The following PDE7A variants were observed in gnomAD, a reference collection of about 807,000 sequenced individuals.
PDE7A encodes phosphodiesterase 7A.
A neutral mutation model predicts 64.3 loss-of-function variants in PDE7A; 39 were observed. That is an observed-to-expected ratio of 0.61 (90% CI 0.47 to 0.79). The LOEUF (loss-of-function observed/expected upper bound fraction) is 0.79, where lower values mean the gene tolerates loss of function less well. Ranked by LOEUF, PDE7A falls within the 30% of genes least tolerant of loss-of-function variation. The pLI, the probability that PDE7A is intolerant of heterozygous loss-of-function variation, is 0.00. For synonymous variants in PDE7A, 203 were observed against 206.8 expected, an observed-to-expected ratio of 0.98 and a Z score of 0.16; for missense variants, 470 against 582.8, an observed-to-expected ratio of 0.81 and a Z score of 1.99.
chr8:65,728,252 T>C (rs142588457), intron 7 of PDE7A: 6 of 152,358 alleles, frequency 3.9e-5, no homozygotes, highest in Non-Finnish European at 5.9e-5. Context: ...TGGATTATTA[T>C]ACTGAACTAA....
chr8:65,743,843 T>C (rs905765485), intron 5 of PDE7A, among the ~76,000 whole-genome samples: 1 of 152,028 alleles, frequency 6.6e-6, no homozygotes, highest in Non-Finnish European at 1.5e-5. Flanking sequence ...GAATTGCTTT[T>C]TTTTTTTTTG....
chr8:65,795,757 T>C (rs1360004691), intron 1 of PDE7A, among the ~76,000 whole-genome samples: 1 of 152,134 alleles, frequency 6.6e-6, no homozygotes, highest in East Asian at 1.9e-4. Context: ...TTTAACATTC[T>C]TTAAAAGATG....
chr8:65,750,152 C>A (rs1049650834), intron 3 of PDE7A, among the ~76,000 whole-genome samples: 4 of 152,150 alleles, frequency 2.6e-5, no homozygotes, highest in African/African-American at 9.7e-5. Context: ...GTAATCATTA[C>A]CATCCTGTGA....
In PDE7A at chr8:65,745,274, G is replaced by A. The variant is rs1370315537; in HGVS notation, c.499+133C>T. 7.5e-6 allele frequency: 5 copies of A among 662,270 alleles called. 1 individual carries two copies. In the East Asian group the frequency reaches 1.4e-4, roughly 19 times the overall value. 41.0% of individuals were successfully genotyped at this position (662,270 alleles called of 1,614,324 possible). A position where few individuals can be genotyped will look rare whatever the true frequency, so the allele number is the denominator to read the frequency against. ...ATGTCTTTATCAGCAGTGTGAAAAT[G>A]GACTAATACACTCTCTTCCAGCAGA... On this transcript the variant is annotated intron_variant, in intron 5 of 12. Transcript: ENST00000401827.
At chr8:65,729,233 T>C (rs1366039396) in intron 7 of PDE7A, among the ~76,000 whole-genome samples, 2 of 152,160 alleles carry the variant, frequency 1.3e-5, no homozygotes, top group South Asian at 4.1e-4. Flanking sequence ...AGGGTTCTTT[T>C]TCAATAAAAT....
At chr8:65,783,684 T>C (rs1809476815) in intron 1 of PDE7A, among the ~76,000 whole-genome samples, 3 of 152,350 alleles carry the variant, frequency 2.0e-5, no homozygotes, top group African/African-American at 7.2e-5. Context: ...AGAAACTTTG[T>C]CTATCTTAGT....
At chr8:65,817,280 CTG>C (rs1165974456) in intron 1 of PDE7A, among the ~76,000 whole-genome samples, 61 of 152,182 alleles carry the variant, frequency 4.0e-4, no homozygotes, top group Non-Finnish European at 5.7e-4. Context: ...TCTTACATAA[CTG>C]TGTTATACTT....
At chr8:65,764,297 A>G (rs1232151049) in intron 3 of PDE7A, among the ~76,000 whole-genome samples, 1 of 152,252 alleles carries the variant, frequency 6.6e-6, no homozygotes, top group African/African-American at 2.4e-5. Flanking sequence ...ACTGGGAAGA[A>G]ATTAAAATTT....
At position 65,718,074 on chromosome 8, in the gene PDE7A, T is replaced by C. The variant is rs541592957; in HGVS notation, c.*1216A>G. 6.6e-6 allele frequency: 1 copy of C among 152,202 alleles called. No individual in the cohort carries two copies. Among genetic ancestry groups the C allele is most frequent in the East Asian group, 1.9e-4 (1 of 5,198 alleles). 9.4% of individuals were successfully genotyped at this position (152,202 alleles called of 1,614,324 possible). A position where few individuals can be genotyped will look rare whatever the true frequency, so the allele number is the denominator to read the frequency against. ...GGGACAAGAAAACAATGCACTTTTT[T>C]CAAATCAAAACAAGAAGTTTGGTCA... On this transcript the variant is annotated 3_prime_UTR_variant, in exon 13 of 13. Transcript: ENST00000401827.
intron 3 of PDE7A, among the ~76,000 whole-genome samples, chr8:65,761,090 C>T (rs191545654): frequency 6.6e-6 from 1 of 151,268 alleles, no homozygotes; most frequent in Admixed American, 6.6e-5. Flanking sequence ...GACGGAGTCT[C>T]GCCCTGTGGC....
chr8:65,735,737 C>T (rs1269075399), intron 6 of PDE7A, among the ~76,000 whole-genome samples: 17 of 152,212 alleles, frequency 1.1e-4, no homozygotes, highest in Admixed American at 9.8e-4. Context: ...GTGATCCTCC[C>T]GCCTCAGCCA....
chr8:65,799,915 G>GT (rs1193501944), intron 1 of PDE7A, among the ~76,000 whole-genome samples: 1 of 152,320 alleles, frequency 6.6e-6, no homozygotes, highest in East Asian at 1.9e-4. Context: ...GAAGATAGCT[G>GT]TTTTTTGAGA....
chr8:65,807,363 T>C (rs117328970), intron 1 of PDE7A, among the ~76,000 whole-genome samples: 8 of 152,338 alleles, frequency 5.3e-5, no homozygotes, highest in Non-Finnish European at 1.2e-4. Context: ...TACAAGTGAT[T>C]TCTGTATGTT....
At position 65,718,628 on chromosome 8, in the gene PDE7A, G is replaced by A. The variant is rs1407667086; in HGVS notation, c.*662C>T. 2.0e-5 allele frequency: 3 copies of A among 152,432 alleles called. No individual in the cohort carries two copies. The highest frequency in any genetic ancestry group is 2.9e-5 in the Non-Finnish European group (2 of 68,198). The allele number at this position is 152,432 out of a possible 1,614,324, so 9.4% of individuals were successfully genotyped here. ...GAGTGAAAGCTTGGCGGTACTCTAC[G>A]ATAAATGCTCAGTTTCCAGTGCATG... On this transcript the variant is annotated 3_prime_UTR_variant, in exon 13 of 13. Transcript: ENST00000401827.
intron 3 of PDE7A, among the ~76,000 whole-genome samples, chr8:65,766,461 T>C (rs1302821249): frequency 6.6e-6 from 1 of 152,068 alleles, no homozygotes; most frequent in Non-Finnish European, 1.5e-5. Context: ...CTTTATGGAG[T>C]TGAATGAAAG....
At chr8:65,837,893 G>A (rs139036412) in intron 1 of PDE7A, among the ~76,000 whole-genome samples, 3 of 152,222 alleles carry the variant, frequency 2.0e-5, no homozygotes, top group Non-Finnish European at 4.4e-5. Flanking sequence ...CACTCAGAAA[G>A]TTTCCCTTTG....
At chr8:65,733,493 A>G (rs1319321449) in intron 7 of PDE7A, among the ~76,000 whole-genome samples, 2 of 152,054 alleles carry the variant, frequency 1.3e-5, no homozygotes, top group Non-Finnish European at 1.5e-5. Flanking sequence ...ATAGAGTGAG[A>G]CCCTGTCTCT....
chr8:65,831,678 G>A (rs937218241), intron 1 of PDE7A, among the ~76,000 whole-genome samples: 3 of 151,346 alleles, frequency 2.0e-5, no homozygotes, highest in Admixed American at 6.6e-5. Flanking sequence ...ACAGAATCAC[G>A]AAGGTGGAAG....
At chr8:65,729,667 G>A (rs1806759256) in intron 7 of PDE7A, among the ~76,000 whole-genome samples, 1 of 151,410 alleles carries the variant, frequency 6.6e-6, no homozygotes, top group Non-Finnish European at 1.5e-5. Flanking sequence ...AGGTTCAATC[G>A]ATTCTCTTAC....
Sources: gnomAD v4.1 joint callset for allele counts (sites outside exome capture counted in the v4.1 genomes callset) on GRCh38, gnomAD v4.1.1 for gene constraint, MANE v1.5 for transcripts, NCBI Gene and HGNC (gene_info 2026-07-23, HGNC 2026-07-21) for gene names.